The following SFXN2 variants were observed in gnomAD, a reference collection of about 807,000 sequenced individuals.
The protein encoded by SFXN2 is sideroflexin-2.
In SFXN2, 37 loss-of-function variants were observed where a neutral mutation model predicts 41.9. That is an observed-to-expected ratio of 0.88 (90% CI 0.68 to 1.16). The LOEUF (loss-of-function observed/expected upper bound fraction) is 1.16. Ranked by LOEUF, SFXN2 falls within the 50% of genes most tolerant of loss-of-function variation. SFXN2 has a pLI of 0.00. For missense variants in SFXN2, 386 were observed against 425.2 expected (o/e 0.91, Z 0.81); for synonymous variants, 150 against 156.7 (o/e 0.96, Z 0.32).
chr10:102,723,372 C>T (rs1034872006), intron 1 of SFXN2, among the ~76,000 whole-genome samples: 30 of 152,150 alleles, frequency 2.0e-4, no homozygotes, highest in Admixed American at 1.6e-3. Context: ...CTGCCTCAGC[C>T]TCCCGAATTG....
rs377607607 is a variant in SFXN2, at chr10:102,729,806, G to A, written c.591G>A (p.Gln197=). Residue 197 remains glutamine, a splice_region_variant and synonymous_variant, in exon 6 of 12, where the codon CAG becomes CAA. Transcript: ENST00000369893. Reference sequence around the variant, plus strand: ...GTGTCAATATCCCCATGATGCGACAGCAGTGAGTAAAGGCCCCTTTTTCTC... The same window carrying A: ...GTGTCAATATCCCCATGATGCGACAACAGTGAGTAAAGGCCCCTTTTTCTC... ...ANCVNIPMMR[Q]QELIKGICVK... 8.7e-6 allele frequency: 14 copies of A among 1,613,858 alleles called. No homozygotes were observed. The African/African-American group carries it at 1.7e-4, about 20-fold the overall frequency.
In SFXN2 at chr10:102,726,800, G is replaced by A. The variant is rs917200663; in HGVS notation, c.161+3G>A. ...AAGGTGATGGTGGAGAAGAGCAGGTGAGGGGTCGGGGAAGGGGCTGGAAGT... is the reference window on the plus strand; with the variant it reads ...AAGGTGATGGTGGAGAAGAGCAGGTAAGGGGTCGGGGAAGGGGCTGGAAGT... On this transcript the variant is annotated splice_donor_region_variant and intron_variant, in intron 2 of 11. Transcript: ENST00000369893. The A allele has an allele frequency of 7.4e-6, 12 of 1,614,060 alleles. No homozygotes were observed. The highest frequency in any genetic ancestry group is 5.3e-5 in the African/African-American group (4 of 74,948).
At chr10:102,717,124 C>CT (rs55839661) in intron 1 of SFXN2, among the ~76,000 whole-genome samples, 27,031 of 97,340 alleles carry the variant, frequency 0.28, 4,601 homozygotes, top group African/African-American at 0.31. Flanking sequence ...TTCTCTCTCT[C>CT]TTTTTTTTTT....
rs2064767846 is a variant in SFXN2 at position 102,735,710 on chromosome 10, CG to C, written c.822-149del. Reference sequence around the variant, plus strand: ...TGCCAGAATGAGTATCCTCGCACTGCGGGAACAGGAGGAGGGTTGGAGGGAG... The same window carrying C: ...TGCCAGAATGAGTATCCTCGCACTGCGGAACAGGAGGAGGGTTGGAGGGAG... On this transcript the variant is annotated intron_variant, in intron 10 of 11. Transcript: ENST00000369893. 7.8e-6 allele frequency: 6 copies of C among 766,814 alleles called. No homozygotes were observed. The Admixed American group carries it at 9.5e-5, about 12-fold the overall frequency. 47.5% of individuals were successfully genotyped at this position (766,814 alleles called of 1,614,324 possible). A position where few individuals can be genotyped will look rare whatever the true frequency, so the allele number is the denominator to read the frequency against.
chr10:102,731,012 C>T (rs1348090147), intron 6 of SFXN2, among the ~76,000 whole-genome samples: 2 of 151,896 alleles, frequency 1.3e-5, no homozygotes, highest in Admixed American at 6.6e-5. Context: ...GTTGTGAACC[C>T]GGGAGGCGGA....
At chr10:102,720,444 C>CA (rs1295964592) in intron 1 of SFXN2, among the ~76,000 whole-genome samples, 2 of 151,608 alleles carry the variant, frequency 1.3e-5, no homozygotes, top group Non-Finnish European at 2.9e-5. Flanking sequence ...CCTGTCTCTA[C>CA]AAAAAATACA....
intron 3 of SFXN2, among the ~76,000 whole-genome samples, 174 bp downstream of exon 3, chr10:102,727,331 A>G (rs2064617429): frequency 6.6e-6 from 1 of 152,152 alleles, no homozygotes; most frequent in African/African-American, 2.4e-5. Flanking sequence ...ACCCTACACT[A>G]TAGGTACTAT....
chr10:102,731,862 G>A, intron 7 of SFXN2, 79 bp downstream of exon 7: 3 of 1,310,878 alleles, frequency 2.3e-6, no homozygotes, highest in Non-Finnish European at 2.2e-6. Context: ...GTCAGAGTAG[G>A]CACCAATATA....
At position 102,737,821 on chromosome 10, in the gene SFXN2, C is replaced by T. The variant is rs1172029693; in HGVS notation, c.*59C>T. The stretch of plus-strand genomic sequence containing the variant: ...ATATTCACCAGCTCCTCCTTAGCTA[C>T]GTGCACACTTGTGTCCTCCTTCCCC... On this transcript the variant is annotated 3_prime_UTR_variant, in exon 12 of 12. Coordinates refer to ENST00000369893, the MANE Select transcript of SFXN2 (RefSeq NM_178858.6). 12 of 1,218,030 alleles carry T rather than the reference C, an allele frequency of 9.9e-6. No homozygotes were observed. The highest frequency in any genetic ancestry group is 3.0e-5 in the African/African-American group (2 of 66,952). The allele number at this position is 1,218,030 out of a possible 1,614,324, so 75.5% of individuals were successfully genotyped here.
At chr10:102,720,523 G>T (rs367838175) in intron 1 of SFXN2, among the ~76,000 whole-genome samples, 1 of 151,410 alleles carries the variant, frequency 6.6e-6, no homozygotes, top group African/African-American at 2.4e-5. Context: ...TCAGAGGATC[G>T]TTTGAGCCTG....
At chr10:102,733,676 G>A (rs111719287) in intron 10 of SFXN2, 73 bp downstream of exon 10, 101 of 1,289,314 alleles carry the variant, frequency 7.8e-5, no homozygotes, top group South Asian at 3.8e-4. Context: ...TGTCTAGCCC[G>A]TGTTGGAGAA....
intron 9 of SFXN2, 74 bp downstream of exon 9, chr10:102,732,982 C>G (rs958023532): frequency 7.1e-5 from 104 of 1,458,158 alleles, no homozygotes; most frequent in Non-Finnish European, 9.6e-5. Flanking sequence ...GGATACCTGA[C>G]CTGCCCTCCC....
intron 1 of SFXN2, among the ~76,000 whole-genome samples, chr10:102,718,687 T>C (rs1429141472): frequency 6.6e-6 from 1 of 152,224 alleles, no homozygotes; most frequent in African/African-American, 2.4e-5. Context: ...TCTTAGGAAA[T>C]GGCGTACCTC....
chr10:102,726,897 C>T, intron 2 of SFXN2, 90 bp from the exon 3 acceptor site: 4 of 1,581,474 alleles, frequency 2.5e-6, no homozygotes, highest in Non-Finnish European at 1.7e-6. Flanking sequence ...GCAGAAATCT[C>T]AGGGCTGGGG....
chr10:102,732,845 C>T lies in SFXN2; in HGVS notation c.722-14C>T, dbSNP rs1398808442. On this transcript the variant is annotated splice_polypyrimidine_tract_variant and intron_variant, in intron 8 of 11. Transcript: ENST00000369893. ...TCCCAGCCCTCCCCTCAGCTTCTCCCTGGTCTCTTCCAGTCTTGCTGCCAG... is the reference window on the plus strand; with the variant it reads ...TCCCAGCCCTCCCCTCAGCTTCTCCTTGGTCTCTTCCAGTCTTGCTGCCAG... 6 of 1,614,016 alleles carry T rather than the reference C, an allele frequency of 3.7e-6. No homozygotes were observed. The African/African-American group carries it at 6.7e-5, about 18-fold the overall frequency.
intron 11 of SFXN2, among the ~76,000 whole-genome samples, chr10:102,736,681 C>T (rs2064784576): frequency 6.6e-6 from 1 of 151,474 alleles, no homozygotes; most frequent in African/African-American, 2.4e-5. Flanking sequence ...TCCCAAAGTG[C>T]TGGCACTACA....
rs1053498333 is a variant in SFXN2 at position 102,739,642 on chromosome 10, T to A, written c.*1880T>A. The stretch of plus-strand genomic sequence containing the variant: ...AAGCACATGCATCAACCGGGCGCAG[T>A]GGCTCATGCCTGTAATCCCCACACT... On this transcript the variant is annotated 3_prime_UTR_variant, in exon 12 of 12. Transcript: ENST00000369893. 2.0e-5 allele frequency: 3 copies of A among 152,362 alleles called. No homozygotes were observed. Among genetic ancestry groups the A allele is most frequent in the African/African-American group, 7.2e-5 (3 of 41,586 alleles). The allele number at this position is 152,362 out of a possible 1,614,324, so 9.4% of individuals were successfully genotyped here.
chr10:102,740,998 G>A lies in SFXN2; in HGVS notation c.*3236G>A, dbSNP rs1169859175. The A allele has an allele frequency of 6.6e-6, 1 of 152,226 alleles. No homozygotes were observed. The allele number at this position is 152,226 out of a possible 1,614,324, so 9.4% of individuals were successfully genotyped here. A position where few individuals can be genotyped will look rare whatever the true frequency, so the allele number is the denominator to read the frequency against. ...TCTTTTGGAAATGTCTGGAAGGTAT[G>A]TGGTGGCTATAATGTTCAGGGACAT... On this transcript the variant is annotated 3_prime_UTR_variant, in exon 12 of 12. Coordinates refer to ENST00000369893, the MANE Select transcript of SFXN2 (RefSeq NM_178858.6).
chr10:102,723,077 G>A (rs1692180551), intron 1 of SFXN2, among the ~76,000 whole-genome samples: 2 of 150,652 alleles, frequency 1.3e-5, no homozygotes. Flanking sequence ...GACTGCAGGT[G>A]TGCACCACCA....
Sources: allele counts gnomAD v4.1 joint callset (sites outside exome capture counted in the v4.1 genomes callset), GRCh38; gene constraint gnomAD v4.1.1; transcripts MANE v1.5; gene names NCBI Gene and HGNC (gene_info 2026-07-23, HGNC 2026-07-21).